The following MYLK4 variants were observed in gnomAD, a reference collection of about 807,000 sequenced individuals.
The protein encoded by MYLK4 is myosin light chain kinase family member 4, also known as caMLCK like.
Under a neutral mutation model 48.1 loss-of-function variants are expected in MYLK4, and 46 were observed. That is an observed-to-expected ratio of 0.96 (90% CI 0.75 to 1.22). MYLK4 has a LOEUF of 1.22. Ranked by LOEUF, MYLK4 falls within the 50% of genes most tolerant of loss-of-function variation. The pLI is 0.00. For synonymous variants in MYLK4, 170 were observed against 180.8 expected, an observed-to-expected ratio of 0.94 and a Z score of 0.48; for missense variants, 451 against 486.1, an observed-to-expected ratio of 0.93 and a Z score of 0.68.
chr6:2,729,501 C>A (rs900476234), intron 2 of MYLK4, among the ~76,000 whole-genome samples: 1 of 152,206 alleles, frequency 6.6e-6, no homozygotes, highest in African/African-American at 2.4e-5. Context: ...CACGATCCAC[C>A]ATTATCTGAT....
intron 4 of MYLK4, among the ~76,000 whole-genome samples, chr6:2,687,254 G>A (rs1761594218): frequency 6.6e-6 from 1 of 152,186 alleles, no homozygotes. Flanking sequence ...TTAAAAGGAG[G>A]TGCAGCACTT....
At chr6:2,749,840 C>T (rs1394835107) in intron 1 of MYLK4, among the ~76,000 whole-genome samples, 1 of 152,170 alleles carries the variant, frequency 6.6e-6, no homozygotes, top group South Asian at 2.1e-4. Flanking sequence ...CGAATGAGTC[C>T]TTTTCCAGAA....
intron 2 of MYLK4, among the ~76,000 whole-genome samples, chr6:2,745,318 C>A (rs550824721): frequency 6.6e-6 from 1 of 151,864 alleles, no homozygotes; most frequent in East Asian, 1.9e-4. Flanking sequence ...AGAAAAAAAA[C>A]CCAGATTCAA....
At chr6:2,755,740 T>G (rs947545979), upstream of MYLK4, among the ~76,000 whole-genome samples, 3 of 152,126 alleles carry the variant, frequency 2.0e-5, no homozygotes, top group African/African-American at 7.2e-5. Flanking sequence ...GGCTTCCTAG[T>G]CTCTCTCTCT....
intron 11 of MYLK4, 150 bp from the exon 12 acceptor site, chr6:2,671,498 T>G (rs968144255): frequency 1.7e-5 from 12 of 688,480 alleles, no homozygotes; most frequent in South Asian, 1.6e-4. Context: ...GACAACCCCC[T>G]GGCAGACACA....
Position 2,671,258 on chromosome 6 carries a change from A to C in MYLK4, c.*25+18T>G, listed in dbSNP as rs1412230465. 6.4e-7 allele frequency: 1 copy of C among 1,570,344 alleles called. No homozygotes were observed. Among genetic ancestry groups the C allele is most frequent in the African/African-American group, 1.4e-5 (1 of 74,042 alleles). ...TTAAGGCCTTCACAGACACCTCTTC[A>C]GGAGACCCAAGACTAACCTTCCAAA... On this transcript the variant is annotated intron_variant, in intron 12 of 12. Transcript: ENST00000274643.
chr6:2,674,894 G>A (rs2113094759), intron 11 of MYLK4, among the ~76,000 whole-genome samples, 153 bp downstream of exon 11: 1 of 152,244 alleles, frequency 6.6e-6, no homozygotes, highest in South Asian at 2.1e-4. Context: ...TTTTAAAAAA[G>A]CATTTTAAGT....
At chr6:2,699,291 T>TTC (rs1390174089) in intron 2 of MYLK4, among the ~76,000 whole-genome samples, 1 of 85,864 alleles carries the variant, frequency 1.2e-5, no homozygotes, top group Non-Finnish European at 2.4e-5. Context: ...TCTTTTCTTT[T>TTC]TTTTTTTTTT....
At chr6:2,744,093 C>T in intron 2 of MYLK4, 2 of 397,908 alleles carry the variant, frequency 5.0e-6, no homozygotes, top group East Asian at 7.1e-5. Context: ...CTGCCCTGAT[C>T]TAGCACCAGC....
In MYLK4 at chr6:2,679,284, T is replaced by C. The variant is rs753594803; in HGVS notation, c.883A>G (p.Met295Val). ...DMWSVGVIAYMLLSGLSPFLG... is the reference protein window; with the variant it reads ...DMWSVGVIAYVLLSGLSPFLG... Reference sequence around the variant, plus strand: ...AGACAGAGGAGAGCTACTCACAGCATATAGGCGATGACCCCCACACTCCAC... The same window carrying C: ...AGACAGAGGAGAGCTACTCACAGCACATAGGCGATGACCCCCACACTCCAC... The change falls in exon 9 of 13, where the codon ATG (methionine) becomes GTG (valine). Residue 295 changes from methionine to valine, a missense_variant. By Grantham distance (21) the Met-to-Val change is conservative. Coordinates refer to ENST00000274643, the MANE Select transcript of MYLK4 (RefSeq NM_001012418.5). The C allele has an allele frequency of 2.5e-6, 4 of 1,614,116 alleles. No homozygotes were observed. Among genetic ancestry groups the C allele is most frequent in the South Asian group, 1.1e-5 (1 of 91,082 alleles).
At chr6:2,709,102 T>C (rs1582077624) in intron 2 of MYLK4, among the ~76,000 whole-genome samples, 1 of 152,216 alleles carries the variant, frequency 6.6e-6, no homozygotes, top group African/African-American at 2.4e-5. Flanking sequence ...GGTCATCTCA[T>C]CTACTGTCTA....
chr6:2,702,875 T>C (rs1331616391), intron 2 of MYLK4, among the ~76,000 whole-genome samples: 2 of 152,170 alleles, frequency 1.3e-5, no homozygotes, highest in Non-Finnish European at 2.9e-5. Context: ...TCCTAAGATA[T>C]GCTTAAGCCC....
At chr6:2,728,349 T>C (rs943096681) in intron 2 of MYLK4, among the ~76,000 whole-genome samples, 3 of 152,306 alleles carry the variant, frequency 2.0e-5, no homozygotes, top group East Asian at 1.9e-4. Flanking sequence ...TCCCCGTCTC[T>C]CTGAAGAAAC....
chr6:2,716,324 A>G (rs1306700813), intron 2 of MYLK4, among the ~76,000 whole-genome samples: 2 of 152,200 alleles, frequency 1.3e-5, no homozygotes, highest in Non-Finnish European at 2.9e-5. Context: ...TTATCTTTAT[A>G]CCTGTATGTA....
At chr6:2,668,654 C>T (rs1397674616) in intron 12 of MYLK4, among the ~76,000 whole-genome samples, 1 of 152,172 alleles carries the variant, frequency 6.6e-6, no homozygotes, top group Non-Finnish European at 1.5e-5. Flanking sequence ...GCCATAAACC[C>T]ATCTCATCCT....
intron 2 of MYLK4, among the ~76,000 whole-genome samples, chr6:2,735,641 T>C (rs1763644196): frequency 6.6e-6 from 1 of 152,118 alleles, no homozygotes; most frequent in Non-Finnish European, 1.5e-5. Flanking sequence ...TTTTCAGGAA[T>C]GGAGGTCCAA....
At chr6:2,731,665 T>C (rs1337409761) in intron 2 of MYLK4, among the ~76,000 whole-genome samples, 1 of 152,122 alleles carries the variant, frequency 6.6e-6, no homozygotes, top group Non-Finnish European at 1.5e-5. Context: ...CTAAGGTTGG[T>C]GGGGGAGGGG....
chr6:2,717,447 C>G (rs1473938213), intron 2 of MYLK4, among the ~76,000 whole-genome samples: 1 of 152,188 alleles, frequency 6.6e-6, no homozygotes, highest in Non-Finnish European at 1.5e-5. Context: ...CTTCTGGGGC[C>G]AGGGAACGTA....
At chr6:2,690,315 C>T (rs1318108943) in intron 3 of MYLK4, among the ~76,000 whole-genome samples, 4 of 152,234 alleles carry the variant, frequency 2.6e-5, no homozygotes, top group Middle Eastern at 3.4e-3. Context: ...GTTGACGAGG[C>T]GCTCCTCTGC....
Sources: allele counts gnomAD v4.1 joint callset (sites outside exome capture counted in the v4.1 genomes callset), GRCh38; gene constraint gnomAD v4.1.1; transcripts MANE v1.5; gene names NCBI Gene and HGNC (gene_info 2026-07-23, HGNC 2026-07-21).